Variants in USH2A observed in about 807,000 individuals in gnomAD.
The protein encoded by USH2A is Usher syndrome 2A (autosomal recessive, mild).
USH2A carries 443 observed loss-of-function variants against 538.9 expected under a neutral mutation model. That is an observed-to-expected ratio of 0.82 (90% confidence interval 0.76 to 0.89). USH2A has a LOEUF of 0.89. USH2A is among the 40% of genes least tolerant of loss of function. The pLI is 0.00. For missense variants in USH2A, 6,633 were observed against 6,324.8 expected (o/e 1.05, Z -1.65); for synonymous variants, 2,413 against 2,273.5 (o/e 1.06, Z -1.75).
intron 61 of USH2A, among the ~76,000 whole-genome samples, chr1:215,712,101 C>T (rs935400862): frequency 1.3e-5 from 2 of 152,096 alleles, no homozygotes; most frequent in African/African-American, 4.8e-5. Context: ...AAGAGATGGA[C>T]TCTCTTGAGG....
chr1:215,654,170 T>C (rs1161076683), intron 64 of USH2A, among the ~76,000 whole-genome samples: 1 of 152,154 alleles, frequency 6.6e-6, no homozygotes, highest in Non-Finnish European at 1.5e-5. Flanking sequence ...TGAACATATA[T>C]ATATTTTTTT....
chr1:215,899,722 C>T (rs1185454190), intron 40 of USH2A, among the ~76,000 whole-genome samples: 1 of 152,094 alleles, frequency 6.6e-6, no homozygotes, highest in African/African-American at 2.4e-5. Context: ...TTTCTTCTGC[C>T]TGCCAGAATT....
intron 32 of USH2A, among the ~76,000 whole-genome samples, chr1:216,017,172 C>T (rs1668733584): frequency 1.3e-5 from 2 of 152,066 alleles, no homozygotes; most frequent in Admixed American, 6.5e-5. Context: ...CTCCCTCTTT[C>T]CTTCTCTCTC....
chr1:215,905,766 C>T (rs1665625836), intron 38 of USH2A, among the ~76,000 whole-genome samples: 1 of 152,054 alleles, frequency 6.6e-6, no homozygotes. Context: ...AGATGTGGTG[C>T]TTCTTGCTAA....
intron 61 of USH2A, among the ~76,000 whole-genome samples, chr1:215,699,411 T>C (rs1267592821): frequency 6.6e-6 from 1 of 152,212 alleles, no homozygotes; most frequent in African/African-American, 2.4e-5. Context: ...CTTTGGGCAG[T>C]ATGGCCATTT....
chr1:216,210,326 C>T (rs919594142), intron 15 of USH2A, among the ~76,000 whole-genome samples: 2 of 152,026 alleles, frequency 1.3e-5, no homozygotes, highest in South Asian at 2.1e-4. Flanking sequence ...CGTCTGCACC[C>T]GGAAGGAATG....
chr1:215,915,609 C>T (rs1370532753), intron 38 of USH2A, among the ~76,000 whole-genome samples: 1 of 152,062 alleles, frequency 6.6e-6, no homozygotes, highest in Non-Finnish European at 1.5e-5. Flanking sequence ...AGAGTTCAAA[C>T]ATTGTGGAAG....
intron 11 of USH2A, among the ~76,000 whole-genome samples, chr1:216,258,032 G>C (rs1045334176): frequency 2.6e-5 from 4 of 152,008 alleles, no homozygotes; most frequent in African/African-American, 9.7e-5. Context: ...TTTGATTGAT[G>C]CATTTACATC....
At chr1:215,949,085 G>A (rs1666845734) in intron 37 of USH2A, among the ~76,000 whole-genome samples, 1 of 152,000 alleles carries the variant, frequency 6.6e-6, no homozygotes. Context: ...TGGAGAAATT[G>A]CCAACTCAGA....
chr1:215,641,868 A>T (rs1297250625), intron 67 of USH2A, among the ~76,000 whole-genome samples: 2 of 152,364 alleles, frequency 1.3e-5, no homozygotes, highest in Middle Eastern at 3.4e-3. Context: ...ATAAAGCCAT[A>T]AGAAAAATTT....
intron 3 of USH2A, among the ~76,000 whole-genome samples, chr1:216,417,273 A>G (rs1407734051): frequency 6.6e-6 from 1 of 152,138 alleles, no homozygotes; most frequent in Non-Finnish European, 1.5e-5. Flanking sequence ...ATTAAAAAAA[A>G]AAAAAAAAGT....
intron 32 of USH2A, among the ~76,000 whole-genome samples, chr1:216,013,460 G>A (rs1312395632): frequency 2.6e-5 from 4 of 151,858 alleles, no homozygotes; most frequent in African/African-American, 9.7e-5. Context: ...AGACAGGAAT[G>A]TCAGGCCTCT....
chr1:216,111,105 T>C (rs2032857037), intron 21 of USH2A, among the ~76,000 whole-genome samples: 1 of 152,066 alleles, frequency 6.6e-6, no homozygotes, highest in Non-Finnish European at 1.5e-5. Context: ...ACACTTGTAA[T>C]CCCAGCTACT....
chr1:216,067,921 A>G (rs780283347), intron 30 of USH2A, among the ~76,000 whole-genome samples: 2 of 152,190 alleles, frequency 1.3e-5, no homozygotes, highest in Non-Finnish European at 2.9e-5. Flanking sequence ...CAAGCCAGAA[A>G]AAAATGAAAG....
rs574694321 is a variant in USH2A, at chr1:215,803,998, A to G, written c.9740-4873T>C. 3.3e-5 allele frequency among the ~76,000 whole-genome samples: 5 copies of G among 152,320 alleles called. No homozygotes were observed. The South Asian group carries it at 1.0e-3, about 32-fold the overall frequency. Reference sequence around the variant, plus strand: ...AATGCCACATATCTACAACTATCTGATCTTTGACAAACCTGACAAAAACAA... The same window carrying G: ...AATGCCACATATCTACAACTATCTGGTCTTTGACAAACCTGACAAAAACAA... On this transcript the variant is annotated intron_variant, in intron 49 of 71. Transcript: ENST00000307340.
At chr1:215,676,398 T>G (rs1036846239) in intron 62 of USH2A, among the ~76,000 whole-genome samples, 2 of 152,150 alleles carry the variant, frequency 1.3e-5, no homozygotes, top group Admixed American at 6.5e-5. Context: ...TGAATGCAGG[T>G]GTTTTTGAAC....
chr1:216,251,177 A>C (rs2036154799), intron 11 of USH2A, 79 bp from the exon 12 acceptor site: 1 of 1,439,712 alleles, frequency 6.9e-7, no homozygotes, highest in African/African-American at 1.4e-5. Flanking sequence ...CAAGACAGGG[A>C]GGGAGGGAGA....
At chr1:216,093,493 C>T (rs2032354955) in intron 22 of USH2A, among the ~76,000 whole-genome samples, 1 of 152,146 alleles carries the variant, frequency 6.6e-6, no homozygotes, top group African/African-American at 2.4e-5. Flanking sequence ...TCCAGGTGAT[C>T]ACCGTAAAGG....
chr1:216,289,799 C>G (rs145218421), intron 10 of USH2A, among the ~76,000 whole-genome samples: 74 of 152,138 alleles, frequency 4.9e-4, no homozygotes, highest in African/African-American at 1.7e-3. Flanking sequence ...CAGTAAGAAG[C>G]AAGCAGGTAT....
Sources: allele counts gnomAD v4.1 joint callset (sites outside exome capture counted in the v4.1 genomes callset), GRCh38; gene constraint gnomAD v4.1.1; transcripts MANE v1.5; gene names NCBI Gene and HGNC (gene_info 2026-07-23, HGNC 2026-07-21).